The following FRMPD4 variants were observed in gnomAD, a reference collection of about 807,000 sequenced individuals.
FRMPD4 encodes FERM and PDZ domain containing 4, also known as FERM and PDZ domain-containing protein 4.
In FRMPD4, 22 loss-of-function variants were observed where a neutral mutation model predicts 94.1. That is an observed-to-expected ratio of 0.23 (90% CI 0.17 to 0.33). The LOEUF is 0.33. FRMPD4 is among the 10% of genes least tolerant of loss of function. The pLI is 1.00. For synonymous variants in FRMPD4, 631 were observed against 548.6 expected, an observed-to-expected ratio of 1.15 and a Z score of -2.10; for missense variants, 1,111 against 1,339.9, an observed-to-expected ratio of 0.83 and a Z score of 2.67.
intron 1 of FRMPD4, among the ~76,000 whole-genome samples, chrX:12,276,001 C>G (rs2054429618): frequency 9.0e-6 from 1 of 111,673 alleles, no homozygotes; most frequent in Non-Finnish European, 1.9e-5. Context: ...GGATCCATGT[C>G]TTGTCCTGTA....
At chrX:11,926,033 CAA>C (rs1601842253) in intron 3 of FRMPD4, among the ~76,000 whole-genome samples, 1 of 110,158 alleles carries the variant, frequency 9.1e-6, no homozygotes, top group African/African-American at 3.3e-5. Context: ...CAAATAAACA[CAA>C]AAAGAAATGA....
At chrX:12,425,033 C>T (rs1391788536) in intron 1 of FRMPD4, among the ~76,000 whole-genome samples, 2 of 112,461 alleles carry the variant, frequency 1.8e-5, no homozygotes, top group Non-Finnish European at 3.8e-5. Flanking sequence ...TATTCCTAAA[C>T]AGCTTTAATT....
At chrX:11,872,962 A>G (rs1391063961) in intron 2 of FRMPD4, among the ~76,000 whole-genome samples, 1 of 112,332 alleles carries the variant, frequency 8.9e-6, no homozygotes, top group East Asian at 2.8e-4. Context: ...GCCACTGTGG[A>G]AAACAGTTTG....
intron 1 of FRMPD4, among the ~76,000 whole-genome samples, chrX:12,201,994 C>CT (rs201179523): frequency 3.8e-4 from 39 of 102,108 alleles, no homozygotes; most frequent in East Asian, 2.2e-3. Flanking sequence ...GCTTTTTCTT[C>CT]TTTTTTTTTT....
intron 2 of FRMPD4, among the ~76,000 whole-genome samples, chrX:11,869,248 A>G (rs901146229): frequency 1.8e-5 from 2 of 112,196 alleles, no homozygotes; most frequent in Non-Finnish European, 3.8e-5. Context: ...CATATTCCAG[A>G]TTGAGTTCAT....
chrX:12,064,351 G>A (rs965530088), intron 3 of FRMPD4, among the ~76,000 whole-genome samples: 7 of 111,970 alleles, frequency 6.3e-5, no homozygotes, highest in African/African-American at 1.3e-4. Flanking sequence ...AAATTTTGTG[G>A]CAGCAGGGGA....
chrX:12,262,696 C>T (rs1244383141), intron 1 of FRMPD4, among the ~76,000 whole-genome samples: 2 of 111,768 alleles, frequency 1.8e-5, no homozygotes, highest in African/African-American at 6.5e-5. Context: ...AACCAGTGGG[C>T]TTCAAATTGC....
At chrX:12,116,629 G>A (rs1351530564) in intron 3 of FRMPD4, among the ~76,000 whole-genome samples, 2 of 111,496 alleles carry the variant, frequency 1.8e-5, no homozygotes, top group East Asian at 5.6e-4. Flanking sequence ...TCATTATGTG[G>A]AATGCATGCT....
chrX:12,617,596 C>T (rs1176513585), intron 4 of FRMPD4, among the ~76,000 whole-genome samples: 2 of 112,390 alleles, frequency 1.8e-5, no homozygotes, highest in East Asian at 2.8e-4. Context: ...CTGGGCTCCT[C>T]AGCTGATATA....
chrX:12,282,860 G>T (rs746362928), intron 1 of FRMPD4, among the ~76,000 whole-genome samples: 2 of 110,974 alleles, frequency 1.8e-5, no homozygotes, highest in Non-Finnish European at 3.8e-5. Flanking sequence ...GCAATGAGGA[G>T]GTCCAGAAAT....
chrX:12,701,096 A>G (rs1291843018), intron 9 of FRMPD4, among the ~76,000 whole-genome samples: 3 of 69,701 alleles, frequency 4.3e-5, no homozygotes, highest in Non-Finnish European at 7.7e-5. Context: ...TTTTTTTGAC[A>G]AGGTCTTGCT....
intron 1 of FRMPD4, among the ~76,000 whole-genome samples, chrX:12,232,967 G>A (rs2057030017): frequency 8.9e-6 from 1 of 111,766 alleles, no homozygotes; most frequent in Non-Finnish European, 1.9e-5. Flanking sequence ...ACAACTTTTG[G>A]TGGCCCATTT....
chrX:12,023,864 C>A lies in FRMPD4; in HGVS notation c.95+145846C>A, dbSNP rs760768516. ...TTCTTTAGGTTCCTGCCTCAGCCTGCCATTTCTTAGTTAAGCAGTTGCTAA... is the reference window on the plus strand; with the variant it reads ...TTCTTTAGGTTCCTGCCTCAGCCTGACATTTCTTAGTTAAGCAGTTGCTAA... On this transcript the variant is annotated intron_variant, in intron 3 of 18. Coordinates refer to the FRMPD4 transcript ENST00000640291. 8.0e-5 allele frequency among the ~76,000 whole-genome samples: 9 copies of A among 111,868 alleles called. No homozygotes were observed. In the South Asian group the frequency reaches 3.4e-3, roughly 42 times the overall value.
At chrX:12,376,255 T>C (rs769232256) in intron 1 of FRMPD4, among the ~76,000 whole-genome samples, 1 of 112,499 alleles carries the variant, frequency 8.9e-6, no homozygotes, top group East Asian at 2.8e-4. Flanking sequence ...CTCATTCGAT[T>C]GTCCAGGCTC....
Position 12,686,188 on chromosome X carries a change from G to A in FRMPD4, c.665G>A (p.Cys222Tyr), listed in dbSNP as rs1257997927. 9.9e-6 allele frequency: 11 copies of A among 1,115,836 alleles called. No homozygotes were observed. The highest frequency in any genetic ancestry group is 1.4e-5 in the Non-Finnish European group (11 of 811,006). 92.0% of individuals were successfully genotyped at this position (1,115,836 alleles called of 1,213,427 possible). A position where few individuals can be genotyped will look rare whatever the true frequency, so the allele number is the denominator to read the frequency against. The change falls in exon 7 of 17, where the codon TGC (cysteine) becomes TAC (tyrosine). Residue 222 changes from cysteine to tyrosine, a missense_variant. Around this residue, in one of 8 missense-constraint regions of FRMPD4, gnomAD observed 37 missense variants for 101.0 expected, o/e 0.37. Coordinates refer to ENST00000675598, the MANE Select transcript of FRMPD4 (RefSeq NM_001368397.1). ...CAGACCAAATCATTTCGTTTTGACTGCAGCACTTCCATTAAGGTAAGATGA... is the reference window on the plus strand; with the variant it reads ...CAGACCAAATCATTTCGTTTTGACTACAGCACTTCCATTAAGGTAAGATGA... ...NGQTKSFRFD[C>Y]STSIKDVILT...
chrX:12,570,835 T>C (rs898360723), intron 2 of FRMPD4, among the ~76,000 whole-genome samples: 1 of 110,759 alleles, frequency 9.0e-6, no homozygotes, highest in African/African-American at 3.3e-5. Flanking sequence ...GACAAAAGGA[T>C]AGTTCTCCAG....
rs190785461 is a variant in FRMPD4, at chrX:12,554,684, C to A, written c.159-55037C>A. On this transcript the variant is annotated intron_variant, in intron 2 of 16. Transcript: ENST00000675598. ...TGGAGTACAGTGGCACGATCAATAACTCACTGCAGCCTCAACCTCCCAGGG... is the reference window on the plus strand; with the variant it reads ...TGGAGTACAGTGGCACGATCAATAAATCACTGCAGCCTCAACCTCCCAGGG... Among the ~76,000 whole-genome samples, 354 of 111,869 alleles carry A rather than the reference C, an allele frequency of 3.2e-3. 2 individuals carry two copies. The highest frequency in any genetic ancestry group is 0.011 in the African/African-American group (343 of 30,812).
chrX:12,540,975 G>A (rs1375360753), intron 2 of FRMPD4, among the ~76,000 whole-genome samples: 1 of 111,864 alleles, frequency 8.9e-6, no homozygotes, highest in Non-Finnish European at 1.9e-5. Flanking sequence ...TGAACAACCT[G>A]CTCCTGAATG....
intron 1 of FRMPD4, among the ~76,000 whole-genome samples, chrX:12,224,816 A>C (rs1377113150): frequency 9.0e-6 from 1 of 111,634 alleles, no homozygotes; most frequent in Non-Finnish European, 1.9e-5. Flanking sequence ...ATTTTCCTAT[A>C]ATGAATATAT....
Sources: gnomAD v4.1 joint callset for allele counts (sites outside exome capture counted in the v4.1 genomes callset) on GRCh38, gnomAD v4.1.1 for gene constraint, gnomAD v4.1.1 regional missense constraint, MANE v1.5 for transcripts, NCBI Gene and HGNC (gene_info 2026-07-23, HGNC 2026-07-21) for gene names.